CDC42BPA: variants seen among roughly 807,000 people sequenced by gnomAD.
CDC42BPA encodes the protein CDC42 binding protein kinase alpha.
CDC42BPA carries 80 observed loss-of-function variants against 223.5 expected under a neutral mutation model. That is an observed-to-expected ratio of 0.36 (90% CI 0.30 to 0.43). The LOEUF (loss-of-function observed/expected upper bound fraction) is 0.43, where lower values mean the gene tolerates loss of function less well. CDC42BPA is among the 20% of genes least tolerant of loss of function. The probability of loss-of-function intolerance (pLI) is 1.00; values close to 1 mark genes in which losing one functional copy is unlikely to be tolerated. For synonymous variants in CDC42BPA, 694 were observed against 718.6 expected, an observed-to-expected ratio of 0.97 and a Z score of 0.55; for missense variants, 1,743 against 2,099.9, an observed-to-expected ratio of 0.83 and a Z score of 3.32.
intron 2 of CDC42BPA, among the ~76,000 whole-genome samples, chr1:227,233,127 G>A (rs769402167): frequency 2.6e-5 from 4 of 152,194 alleles, no homozygotes; most frequent in Non-Finnish European, 5.9e-5. Flanking sequence ...CCTGTCTTCT[G>A]CGTCACTCAC....
At chr1:227,051,809 C>T (rs1259545450) in intron 22 of CDC42BPA, 72 bp downstream of exon 22, 7 of 825,362 alleles carry the variant, frequency 8.5e-6, no homozygotes, top group Non-Finnish European at 1.3e-5. Flanking sequence ...GAGAGACAGA[C>T]TTGTTTTATT....
At position 227,009,581 on chromosome 1, in the gene CDC42BPA, TTA is replaced by T. The variant is rs573977583; in HGVS notation, c.4858-4472_4858-4471del. On this transcript the variant is annotated intron_variant, in intron 34 of 36. Transcript: ENST00000366766. ...GTGCCACCACATCCAACTAATTTTTTTATTTTTATTTTTTGTAGAAATGGGGT... is the reference window on the plus strand; with the variant it reads ...GTGCCACCACATCCAACTAATTTTTTTTTTTATTTTTTGTAGAAATGGGGT... Among the ~76,000 whole-genome samples, 522 of 152,176 alleles carry T rather than the reference TTA, an allele frequency of 3.4e-3. 3 individuals are homozygous for T. Among genetic ancestry groups the T allele is most frequent in the African/African-American group, 0.011 (475 of 41,502 alleles).
intron 2 of CDC42BPA, among the ~76,000 whole-genome samples, chr1:227,230,812 C>CTTTTTTTTTT (rs1309498246): frequency 4.3e-4 from 48 of 111,754 alleles, no homozygotes; most frequent in Non-Finnish European, 6.7e-4. Flanking sequence ...TTTCTTTTTT[C>CTTTTTTTTTT]TTTCTTTCTT....
At chr1:227,054,567 A>G (rs1674188133) in intron 21 of CDC42BPA, among the ~76,000 whole-genome samples, 1 of 152,222 alleles carries the variant, frequency 6.6e-6, no homozygotes, top group African/African-American at 2.4e-5. Context: ...ATGTGGTATT[A>G]TGACAGTGGG....
intron 6 of CDC42BPA, among the ~76,000 whole-genome samples, chr1:227,157,287 AT>A (rs1282689266): frequency 6.6e-6 from 1 of 152,208 alleles, no homozygotes; most frequent in African/African-American, 2.4e-5. Context: ...ATTCTTTAGC[AT>A]TCAGGCCTGC....
chr1:227,047,904 A>T, intron 23 of CDC42BPA, 23 bp downstream of exon 23: 1 of 1,437,386 alleles, frequency 7.0e-7, no homozygotes, highest in Admixed American at 1.7e-5. Context: ...GGAACACACT[A>T]TGCTTATAAC....
At chr1:227,036,709 G>A (rs556043395) in intron 24 of CDC42BPA, among the ~76,000 whole-genome samples, 4 of 152,162 alleles carry the variant, frequency 2.6e-5, no homozygotes, top group African/African-American at 7.2e-5. Context: ...GATTACAGGC[G>A]TTGAGCCACC....
In CDC42BPA at chr1:227,074,259, T is replaced by C; in HGVS notation, c.2586A>G (p.Thr862=). ...LRNSSLGTRA[T]DMPWKMRRFA... ...TCCATGCAAAATCATAGAAGCTTAC[T>C]GTTGCTCGTGTACCCAAGCTGGAAT... The change falls in exon 18 of 37, where the codon ACA becomes ACG. Residue 862 remains threonine, a splice_region_variant and synonymous_variant. Coordinates refer to ENST00000366766, the MANE Select transcript of CDC42BPA (RefSeq NM_001394014.1). 1.2e-6 allele frequency: 2 copies of C among 1,607,468 alleles called. No homozygotes were observed. Among genetic ancestry groups the C allele is most frequent in the Non-Finnish European group, 8.5e-7 (1 of 1,174,490 alleles).
At chr1:227,066,858 T>C (rs1677201937) in intron 21 of CDC42BPA, among the ~76,000 whole-genome samples, 1 of 152,184 alleles carries the variant, frequency 6.6e-6, no homozygotes, top group Admixed American at 6.5e-5. Flanking sequence ...ATTTGCCTGA[T>C]GAGCAAATTT....
intron 32 of CDC42BPA, among the ~76,000 whole-genome samples, chr1:227,019,889 G>A (rs1047398971): frequency 6.6e-6 from 1 of 151,916 alleles, no homozygotes; most frequent in Admixed American, 6.6e-5. Flanking sequence ...GCAGAGTAGA[G>A]TTACCATAAT....
intron 1 of CDC42BPA, among the ~76,000 whole-genome samples, chr1:227,314,652 A>G (rs1175003557): frequency 6.6e-6 from 1 of 152,054 alleles, no homozygotes; most frequent in Non-Finnish European, 1.5e-5. Flanking sequence ...CAGCATAAAG[A>G]TAAGTAGCAT....
intron 1 of CDC42BPA, among the ~76,000 whole-genome samples, chr1:227,289,004 T>G (rs1689253880): frequency 3.3e-5 from 5 of 151,870 alleles, no homozygotes; most frequent in Admixed American, 3.3e-4. Flanking sequence ...TCAAAAATAA[T>G]AATAATAATA....
At chr1:227,261,141 A>T (rs1409025090) in intron 1 of CDC42BPA, among the ~76,000 whole-genome samples, 2 of 30,094 alleles carry the variant, frequency 6.6e-5, no homozygotes, top group Non-Finnish European at 1.8e-4. Flanking sequence ...TTTGAGACAG[A>T]GTCTCGCTCT....
chr1:227,279,419 C>T (rs1167003947), intron 1 of CDC42BPA, among the ~76,000 whole-genome samples: 2 of 151,976 alleles, frequency 1.3e-5, no homozygotes, highest in African/African-American at 2.4e-5. Context: ...TAATAGAAAA[C>T]TTAGTAGACT....
chr1:227,118,637 T>TCCAAGATC (rs1688141740), intron 12 of CDC42BPA, among the ~76,000 whole-genome samples: 1 of 152,108 alleles, frequency 6.6e-6, no homozygotes, highest in African/African-American at 2.4e-5. Context: ...AGAGAAAGAA[T>TCCAAGATC]CCAAGATCCT....
chr1:227,131,978 C>G (rs895162336), intron 10 of CDC42BPA, among the ~76,000 whole-genome samples: 2 of 152,174 alleles, frequency 1.3e-5, no homozygotes, highest in South Asian at 4.2e-4. Flanking sequence ...GTTGTTGACA[C>G]AGCACATGAG....
In CDC42BPA at chr1:227,009,778, C is replaced by T. The variant is rs997928719; in HGVS notation, c.4858-4667G>A. 5.3e-5 allele frequency among the ~76,000 whole-genome samples: 8 copies of T among 152,036 alleles called. No homozygotes were observed. In the East Asian group the frequency reaches 1.5e-3, roughly 29 times the overall value. On this transcript the variant is annotated intron_variant, in intron 34 of 36. Coordinates refer to ENST00000366766, the MANE Select transcript of CDC42BPA (RefSeq NM_001394014.1). ...ATCCACTCCCTGCAGTCTAAGCAAA[C>T]TCAGGCTTATTTTATCGTGGTTAAT...
At chr1:227,282,427 T>C (rs1386255302) in intron 1 of CDC42BPA, among the ~76,000 whole-genome samples, 2 of 152,164 alleles carry the variant, frequency 1.3e-5, no homozygotes, top group East Asian at 3.9e-4. Flanking sequence ...TAAAATAACT[T>C]CCAGTGTTTA....
At chr1:227,163,699 T>G (rs908592653) in intron 5 of CDC42BPA, among the ~76,000 whole-genome samples, 3 of 145,488 alleles carry the variant, frequency 2.1e-5, no homozygotes, top group African/African-American at 7.5e-5. Flanking sequence ...GTGGGCTTGT[T>G]TTTCCATTGT....
Sources: gnomAD v4.1 joint callset for allele counts (sites outside exome capture counted in the v4.1 genomes callset) on GRCh38, gnomAD v4.1.1 for gene constraint, MANE v1.5 for transcripts, NCBI Gene and HGNC (gene_info 2026-07-23, HGNC 2026-07-21) for gene names.